NBDY: variants seen among roughly 807,000 people sequenced by gnomAD.
NBDY encodes negative regulator of P-body association.
intron 2 of NBDY, among the ~76,000 whole-genome samples, chrX:56,734,479 C>T (rs1406928437): frequency 8.9e-6 from 1 of 112,641 alleles, no homozygotes; most frequent in Admixed American, 9.4e-5. Context: ...CAAAACCAAT[C>T]TCAAACTTTA....
intron 2 of NBDY, among the ~76,000 whole-genome samples, chrX:56,798,339 T>C (rs962454447): frequency 8.9e-6 from 1 of 112,215 alleles, no homozygotes; most frequent in African/African-American, 3.2e-5. Context: ...GTCATGGGAA[T>C]CTGTGGCAAC....
chrX:56,796,963 C>G (rs1018900262), intron 2 of NBDY, among the ~76,000 whole-genome samples: 1 of 111,737 alleles, frequency 8.9e-6, no homozygotes, highest in Non-Finnish European at 1.9e-5. Flanking sequence ...AGGAGAGCTA[C>G]AGTGTCATGG....
chrX:56,731,280 C>T (rs2069456495), intron 1 of NBDY, among the ~76,000 whole-genome samples: 1 of 109,489 alleles, frequency 9.1e-6, no homozygotes, highest in Admixed American at 9.8e-5. Flanking sequence ...AAAGAGCAGC[C>T]GGGCGCAGTG....
chrX:56,753,114 A>G (rs967109842), intron 2 of NBDY, among the ~76,000 whole-genome samples: 10 of 112,730 alleles, frequency 8.9e-5, no homozygotes, highest in African/African-American at 3.2e-4. Context: ...AGTTCTATTC[A>G]GTCAACACTT....
intron 2 of NBDY, among the ~76,000 whole-genome samples, chrX:56,812,181 G>A (rs1166256432): frequency 1.9e-5 from 2 of 104,728 alleles, no homozygotes; most frequent in Admixed American, 1.0e-4. Flanking sequence ...CTGCAGACTG[G>A]AACTGCTCCT....
chrX:56,746,484 A>C (rs2069558882), intron 2 of NBDY, among the ~76,000 whole-genome samples: 1 of 111,163 alleles, frequency 9.0e-6, no homozygotes, highest in South Asian at 3.8e-4. Context: ...ACAAATTTAG[A>C]AATTTAAAAG....
intron 2 of NBDY, among the ~76,000 whole-genome samples, chrX:56,782,978 CACAG>C (rs774260830): frequency 3.5e-5 from 4 of 112,794 alleles, no homozygotes; most frequent in Non-Finnish European, 5.6e-5. Flanking sequence ...CACAGATACA[CACAG>C]ACACACACAC....
intron 2 of NBDY, chrX:56,737,382 C>G: frequency 1.5e-6 from 1 of 659,264 alleles, no homozygotes; most frequent in Non-Finnish European, 2.5e-6. Flanking sequence ...AGGTCCAATG[C>G]ACTCTTAATG....
At chrX:56,815,870 G>A (rs2069908535) in intron 2 of NBDY, among the ~76,000 whole-genome samples, 1 of 111,378 alleles carries the variant, frequency 9.0e-6, no homozygotes, top group Admixed American at 9.5e-5. Flanking sequence ...AAATTATTAG[G>A]CATTTATTCC....
Position 56,748,503 on chromosome X carries a change from G to A in NBDY, c.*166+16304G>A, listed in dbSNP as rs1315397516. On this transcript the variant is annotated intron_variant, in intron 2 of 2. Transcript: ENST00000374922. ...AAAGGTGATAGATAAAACCAGGAGAGTAAATTAAATAATCTAGAAGAAGGT... is the reference window on the plus strand; with the variant it reads ...AAAGGTGATAGATAAAACCAGGAGAATAAATTAAATAATCTAGAAGAAGGT... 3.7e-5 allele frequency among the ~76,000 whole-genome samples: 4 copies of A among 109,237 alleles called. No individual in the cohort carries two copies. In the Admixed American group the frequency reaches 3.9e-4, roughly 11 times the overall value. The allele number at this position is 109,237 out of a possible 115,157, so 94.9% of individuals were successfully genotyped here. A position where few individuals can be genotyped will look rare whatever the true frequency, so the allele number is the denominator to read the frequency against.
intron 2 of NBDY, among the ~76,000 whole-genome samples, chrX:56,806,638 A>G (rs1438163318): frequency 8.9e-6 from 1 of 112,021 alleles, no homozygotes; most frequent in Non-Finnish European, 1.9e-5. Flanking sequence ...CTCTGCTCAT[A>G]TCTTTCGCCC....
chrX:56,758,739 T>C (rs2069623732), intron 2 of NBDY, among the ~76,000 whole-genome samples: 1 of 111,496 alleles, frequency 9.0e-6, no homozygotes, highest in African/African-American at 3.3e-5. Flanking sequence ...GAAGTGGAGG[T>C]TGAGGCTAGA....
chrX:56,798,560 C>G (rs988560106), intron 2 of NBDY, among the ~76,000 whole-genome samples: 1 of 112,084 alleles, frequency 8.9e-6, no homozygotes, highest in Non-Finnish European at 1.9e-5. Context: ...CTACCTAGAG[C>G]CTTTGGGAGG....
chrX:56,730,356 C>T (rs949098131), intron 1 of NBDY, among the ~76,000 whole-genome samples: 21 of 105,916 alleles, frequency 2.0e-4, no homozygotes, highest in African/African-American at 6.9e-4. Flanking sequence ...ACTAAAGTTA[C>T]AAAAATTAGC....
chrX:56,817,506 C>T lies in NBDY; in HGVS notation c.*353C>T, dbSNP rs1053134387. 8.9e-6 allele frequency: 1 copy of T among 111,905 alleles called. No individual in the cohort carries two copies. Among genetic ancestry groups the T allele is most frequent in the African/African-American group, 3.2e-5 (1 of 30,812 alleles). The allele number at this position is 111,905 out of a possible 1,213,427, so 9.2% of individuals were successfully genotyped here. Reference sequence around the variant, plus strand: ...ACCAGTGAACTCTTTTGGTGACATCCTGTTCTTGTTGTATAACTTTATATT... The same window carrying T: ...ACCAGTGAACTCTTTTGGTGACATCTTGTTCTTGTTGTATAACTTTATATT... On this transcript the variant is annotated 3_prime_UTR_variant, in exon 3 of 3. Coordinates refer to ENST00000374922, the MANE Select transcript of NBDY (RefSeq NM_001348129.2).
At chrX:56,781,971 G>T (rs2069694346) in intron 2 of NBDY, among the ~76,000 whole-genome samples, 1 of 111,431 alleles carries the variant, frequency 9.0e-6, no homozygotes, top group Non-Finnish European at 1.9e-5. Context: ...ACATCCTCAG[G>T]GTAAGGTTCA....
intron 2 of NBDY, among the ~76,000 whole-genome samples, chrX:56,780,777 T>C (rs1602659410): frequency 1.1e-5 from 1 of 88,103 alleles, no homozygotes; most frequent in East Asian, 3.4e-4. Flanking sequence ...TGTCAACAAA[T>C]GCGGATTTTT....
chrX:56,810,840 T>C (rs939265809), intron 2 of NBDY, among the ~76,000 whole-genome samples: 2 of 111,504 alleles, frequency 1.8e-5, no homozygotes, highest in Admixed American at 9.5e-5. Context: ...GTTCGGTTTT[T>C]GGAATTTTCA....
intron 2 of NBDY, among the ~76,000 whole-genome samples, chrX:56,814,577 C>A (rs1162698547): frequency 9.2e-6 from 1 of 109,277 alleles, no homozygotes; most frequent in Non-Finnish European, 1.9e-5. Flanking sequence ...ATTGCAACCT[C>A]CACCTCCCAG....
Sources: allele counts gnomAD v4.1 joint callset (sites outside exome capture counted in the v4.1 genomes callset), GRCh38; gene constraint gnomAD v4.1.1; transcripts MANE v1.5; gene names NCBI Gene and HGNC (gene_info 2026-07-23, HGNC 2026-07-21).